Variants in FRMD4A observed in about 807,000 individuals in gnomAD.
FRMD4A encodes the protein FERM domain containing 4A, also known as FERM domain-containing protein 4A.
FRMD4A carries 29 observed loss-of-function variants against 129.1 expected under a neutral mutation model. That is an observed-to-expected ratio of 0.22 (90% CI 0.17 to 0.31). The LOEUF (loss-of-function observed/expected upper bound fraction) is 0.31, where lower values mean the gene tolerates loss of function less well. FRMD4A is among the 10% of genes least tolerant of loss of function. The pLI, the probability that FRMD4A is intolerant of heterozygous loss-of-function variation, is 1.00. For synonymous variants in FRMD4A, 634 were observed against 571.6 expected, an observed-to-expected ratio of 1.11 and a Z score of -1.56; for missense variants, 1,272 against 1,375.8, an observed-to-expected ratio of 0.92 and a Z score of 1.19.
chr10:13,693,256 T>C (rs2085893584), intron 15 of FRMD4A: 1 of 164,090 alleles, frequency 6.1e-6, no homozygotes, highest in African/African-American at 2.4e-5. Context: ...CCTCCTGCCA[T>C]TTCAGTAAAT....
rs143187199 is a variant in FRMD4A, at chr10:13,844,786, C to T, written c.111+14061G>A. 1.1e-3 allele frequency among the ~76,000 whole-genome samples: 171 copies of T among 152,328 alleles called. 1 individual carries two copies. The highest frequency in any genetic ancestry group is 3.8e-3 in the African/African-American group (158 of 41,580). On this transcript the variant is annotated intron_variant, in intron 3 of 24. Transcript: ENST00000357447. The stretch of plus-strand genomic sequence containing the variant: ...GCTAGTCGCATGCTCTTCTGAGTCT[C>T]GCACAGTTGACGAGAATATGCTGGA...
At chr10:14,147,683 G>T (rs1253891335) in intron 2 of FRMD4A, among the ~76,000 whole-genome samples, 1 of 152,082 alleles carries the variant, frequency 6.6e-6, no homozygotes, top group Non-Finnish European at 1.5e-5. Context: ...AGAATCGAAT[G>T]CCGCTGCTGA....
intron 2 of FRMD4A, among the ~76,000 whole-genome samples, chr10:13,995,453 T>A (rs1287916510): frequency 6.6e-6 from 1 of 152,146 alleles, no homozygotes; most frequent in Non-Finnish European, 1.5e-5. Context: ...GGTGTGGTGG[T>A]GCATGCCTGT....
intron 2 of FRMD4A, among the ~76,000 whole-genome samples, chr10:14,187,834 ACT>A (rs1351405198): frequency 1.4e-4 from 22 of 152,292 alleles, no homozygotes; most frequent in Non-Finnish European, 2.4e-4. Context: ...TCCATATTTC[ACT>A]AGGGGGAAAT....
chr10:13,894,126 A>G (rs901577446), intron 2 of FRMD4A, among the ~76,000 whole-genome samples: 9 of 152,140 alleles, frequency 5.9e-5, no homozygotes, highest in South Asian at 2.1e-4. Flanking sequence ...CCCTTATCCC[A>G]ACAGTGCCTG....
chr10:13,826,957 A>G (rs1354470322), intron 3 of FRMD4A, among the ~76,000 whole-genome samples: 1 of 152,216 alleles, frequency 6.6e-6, no homozygotes, highest in Non-Finnish European at 1.5e-5. Flanking sequence ...TTGAGTCTGT[A>G]ACACCCTCCA....
At chr10:13,973,848 A>G (rs1440365163) in intron 2 of FRMD4A, among the ~76,000 whole-genome samples, 1 of 151,688 alleles carries the variant, frequency 6.6e-6, no homozygotes, top group Non-Finnish European at 1.5e-5. Context: ...TGATGCTTAC[A>G]TTAACATTAG....
rs545466485 is a variant in FRMD4A at position 13,915,454 on chromosome 10, C to T, written c.46-56542G>A. Among the ~76,000 whole-genome samples, 18 of 151,942 alleles carry T rather than the reference C, an allele frequency of 1.2e-4. No individual in the cohort carries two copies. In the South Asian group the frequency reaches 3.8e-3, roughly 32 times the overall value. On this transcript the variant is annotated intron_variant, in intron 2 of 24. Coordinates refer to ENST00000357447, the MANE Select transcript of FRMD4A (RefSeq NM_018027.5). ...TTGGGAGGCTGAGGCGGGCGGATCA[C>T]AAGGTCAGGAGATCGAGACCATCCT...
intron 12 of FRMD4A, among the ~76,000 whole-genome samples, chr10:13,725,452 A>G (rs1030787888): frequency 6.6e-6 from 1 of 151,972 alleles, no homozygotes; most frequent in Non-Finnish European, 1.5e-5. Context: ...GGATAATTAC[A>G]TTCCTCCCCT....
At chr10:14,216,595 G>A (rs1843083174) in intron 2 of FRMD4A, among the ~76,000 whole-genome samples, 1 of 152,174 alleles carries the variant, frequency 6.6e-6, no homozygotes, top group Non-Finnish European at 1.5e-5. Flanking sequence ...GTCACTGGAA[G>A]AGGCTATGTT....
intron 2 of FRMD4A, among the ~76,000 whole-genome samples, chr10:13,939,208 T>C (rs953837136): frequency 6.6e-6 from 1 of 152,190 alleles, no homozygotes; most frequent in African/African-American, 2.4e-5. Flanking sequence ...GATTAATCAA[T>C]GTAGGGTGAG....
intron 2 of FRMD4A, among the ~76,000 whole-genome samples, chr10:13,956,099 C>G (rs1324825500): frequency 6.6e-6 from 1 of 152,106 alleles, no homozygotes; most frequent in East Asian, 1.9e-4. Context: ...TACGGAGCAC[C>G]TTGTTTGTGC....
intron 2 of FRMD4A, among the ~76,000 whole-genome samples, chr10:13,868,696 G>A (rs2094404091): frequency 6.6e-6 from 1 of 152,214 alleles, no homozygotes; most frequent in Non-Finnish European, 1.5e-5. Context: ...CTACTCGGGA[G>A]GCTGAGGTGG....
intron 2 of FRMD4A, among the ~76,000 whole-genome samples, chr10:14,176,064 G>C (rs184249352): frequency 6.6e-6 from 1 of 152,280 alleles, no homozygotes; most frequent in East Asian, 1.9e-4. Flanking sequence ...TTGTATTGTA[G>C]TGTTTAGGGA....
At chr10:14,270,364 GGT>G (rs368499680) in intron 2 of FRMD4A, among the ~76,000 whole-genome samples, 71 of 152,266 alleles carry the variant, frequency 4.7e-4, no homozygotes, top group African/African-American at 1.7e-3. Context: ...TGCAATATAA[GGT>G]AACATCTTCA....
chr10:13,908,907 T>G (rs1189728268), intron 2 of FRMD4A, among the ~76,000 whole-genome samples: 1 of 152,228 alleles, frequency 6.6e-6, no homozygotes, highest in Non-Finnish European at 1.5e-5. Flanking sequence ...TCACTGATTA[T>G]CTAAAATTTA....
At chr10:14,220,919 G>A (rs1016812632) in intron 2 of FRMD4A, among the ~76,000 whole-genome samples, 1 of 151,946 alleles carries the variant, frequency 6.6e-6, no homozygotes, top group African/African-American at 2.4e-5. Context: ...CTGAAGAGCA[G>A]AACCCTACCA....
At chr10:14,230,284 G>C (rs556502540) in intron 2 of FRMD4A, among the ~76,000 whole-genome samples, 1 of 152,180 alleles carries the variant, frequency 6.6e-6, no homozygotes, top group Admixed American at 6.5e-5. Context: ...TGTCACTGAA[G>C]AATGGTTAAG....
At chr10:14,093,418 G>C (rs1219902777) in intron 2 of FRMD4A, among the ~76,000 whole-genome samples, 3 of 152,118 alleles carry the variant, frequency 2.0e-5, no homozygotes, top group Non-Finnish European at 2.9e-5. Context: ...GAAGAAAAAG[G>C]GTTCTTCCTG....
Sources: allele counts gnomAD v4.1 joint callset (sites outside exome capture counted in the v4.1 genomes callset), GRCh38; gene constraint gnomAD v4.1.1; transcripts MANE v1.5; gene names NCBI Gene and HGNC (gene_info 2026-07-23, HGNC 2026-07-21).